Variants in CYP19A1 observed in about 807,000 individuals in gnomAD.
The protein encoded by CYP19A1 is cytochrome P450 family 19 subfamily A member 1.
A neutral mutation model predicts 44.4 loss-of-function variants in CYP19A1; 32 were observed. That is an observed-to-expected ratio of 0.72 (90% CI 0.54 to 0.97). The LOEUF (loss-of-function observed/expected upper bound fraction) is 0.97. Among genes scored for constraint, CYP19A1 ranks in the 50% least tolerant of loss-of-function variants. CYP19A1 has a pLI of 0.00. For missense variants in CYP19A1, 598 were observed against 637.8 expected (o/e 0.94, Z 0.67); for synonymous variants, 212 against 215.6 (o/e 0.98, Z 0.14).
intron 4 of CYP19A1, among the ~76,000 whole-genome samples, chr15:51,226,954 T>C (rs1190871856): frequency 6.6e-6 from 1 of 152,128 alleles, no homozygotes; most frequent in Non-Finnish European, 1.5e-5. Flanking sequence ...TAAAATTATC[T>C]AATTTCATTC....
intron 1 of CYP19A1, among the ~76,000 whole-genome samples, chr15:51,314,817 T>C (rs1450100568): frequency 6.6e-6 from 1 of 152,254 alleles, no homozygotes; most frequent in Admixed American, 6.5e-5. Context: ...CTTTTGTTTG[T>C]CAGCCTCTGT....
At position 51,308,026 on chromosome 15, in the gene CYP19A1, A is replaced by G. The variant is rs551967288; in HGVS notation, c.-39+30469T>C. Among the ~76,000 whole-genome samples the G allele has an allele frequency of 8.5e-5, 13 of 152,364 alleles. No individual in the cohort carries two copies. In the East Asian group the frequency reaches 1.9e-3, roughly 23 times the overall value. Reference sequence around the variant, plus strand: ...AAGTTTCATTTCCTTTCTCCCTGCTATTAAATGAGAAAGAGGGCATGAGGA... The same window carrying G: ...AAGTTTCATTTCCTTTCTCCCTGCTGTTAAATGAGAAAGAGGGCATGAGGA... On this transcript the variant is annotated intron_variant, in intron 1 of 9. Transcript: ENST00000396402.
rs1475879487 is a variant in CYP19A1 at position 51,210,067 on chromosome 15, C to T, written c.*741G>A. ...TAATAATACTTAACCCAGGCTATTA[C>T]TAAATTAGTTTGTATTACTTGATGA... On this transcript the variant is annotated 3_prime_UTR_variant, in exon 10 of 10. Coordinates refer to ENST00000396402, the MANE Select transcript of CYP19A1 (RefSeq NM_000103.4). 6 of 228,270 alleles carry T rather than the reference C, an allele frequency of 2.6e-5. No homozygotes were observed. Among genetic ancestry groups the T allele is most frequent in the Non-Finnish European group, 5.2e-5 (6 of 114,288 alleles). 14.1% of individuals were successfully genotyped at this position (228,270 alleles called of 1,614,324 possible).
At chr15:51,232,292 TCTC>T in intron 3 of CYP19A1, among the ~76,000 whole-genome samples, 1 of 152,180 alleles carries the variant, frequency 6.6e-6, no homozygotes, top group Non-Finnish European at 1.5e-5. Context: ...AGTACTGAAA[TCTC>T]CATGCATTCC....
chr15:51,283,306 C>T (rs2035590736), intron 1 of CYP19A1, among the ~76,000 whole-genome samples: 1 of 152,114 alleles, frequency 6.6e-6, no homozygotes, highest in South Asian at 2.1e-4. Context: ...CATTAATGGG[C>T]GAGAAAATGA....
chr15:51,261,926 G>A (rs2140936803), intron 1 of CYP19A1, among the ~76,000 whole-genome samples: 2 of 152,284 alleles, frequency 1.3e-5, no homozygotes, highest in South Asian at 4.1e-4. Flanking sequence ...ATCTCTGAAA[G>A]TCCCTCCTTT....
At position 51,296,544 on chromosome 15, in the gene CYP19A1, G is replaced by A. The variant is rs754784662; in HGVS notation, c.-39+41951C>T. ...TCCATGGGGCCAGTGTACATCCGCG[G>A]GAAACTCGCTAAAATTACAGAAAAT... On this transcript the variant is annotated intron_variant, in intron 1 of 9. Transcript: ENST00000396402. Among the ~76,000 whole-genome samples the A allele has an allele frequency of 2.6e-4, 39 of 152,094 alleles. 1 individual carries two copies. The highest frequency in any genetic ancestry group is 4.9e-4 in the Non-Finnish European group (33 of 68,030).
chr15:51,275,076 C>T (rs986254750), intron 1 of CYP19A1, among the ~76,000 whole-genome samples: 9 of 152,234 alleles, frequency 5.9e-5, no homozygotes, highest in African/African-American at 2.2e-4. Context: ...TCTGCTTGTG[C>T]AGTCCCTAAC....
chr15:51,218,786 G>A (rs904368830), intron 5 of CYP19A1, 131 bp from the exon 6 acceptor site: 4 of 1,493,262 alleles, frequency 2.7e-6, no homozygotes, highest in Admixed American at 2.1e-5. Flanking sequence ...AGCTCAGCAA[G>A]ATTCCATCTT....
At chr15:51,225,162 A>G (rs1270789064) in intron 4 of CYP19A1, among the ~76,000 whole-genome samples, 1 of 152,116 alleles carries the variant, frequency 6.6e-6, no homozygotes, top group Admixed American at 6.5e-5. Context: ...TCTCTCCCCC[A>G]TTATAAGTTC....
chr15:51,270,081 C>T (rs1369403435), intron 1 of CYP19A1, among the ~76,000 whole-genome samples: 1 of 152,154 alleles, frequency 6.6e-6, no homozygotes, highest in East Asian at 1.9e-4. Flanking sequence ...ATATATCTCA[C>T]CATATATTTA....
intron 3 of CYP19A1, among the ~76,000 whole-genome samples, chr15:51,232,852 CAT>C (rs1482705017): frequency 1.3e-5 from 2 of 152,244 alleles, no homozygotes; most frequent in African/African-American, 4.8e-5. Context: ...TCTGCTGAAA[CAT>C]AAATGAGTCA....
chr15:51,287,649 C>T (rs1263758984), intron 1 of CYP19A1, among the ~76,000 whole-genome samples: 3 of 152,182 alleles, frequency 2.0e-5, no homozygotes, highest in Admixed American at 6.5e-5. Context: ...CCCTCAAATG[C>T]CCTCACCTTC....
intron 1 of CYP19A1, among the ~76,000 whole-genome samples, chr15:51,321,446 C>A (rs1936808215): frequency 6.6e-6 from 1 of 152,176 alleles, no homozygotes; most frequent in Admixed American, 6.5e-5. Context: ...GAGCTCCTTC[C>A]CCATCTTTCG....
chr15:51,316,798 T>C (rs568077227), intron 1 of CYP19A1, among the ~76,000 whole-genome samples: 2 of 152,200 alleles, frequency 1.3e-5, no homozygotes, highest in East Asian at 3.9e-4. Context: ...CCAGCCTCTC[T>C]TGCAGCTGGA....
chr15:51,310,969 G>T (rs1169202344), intron 1 of CYP19A1, among the ~76,000 whole-genome samples: 1 of 152,224 alleles, frequency 6.6e-6, no homozygotes, highest in African/African-American at 2.4e-5. Flanking sequence ...ATGAGACAGA[G>T]CTTGCTGTTG....
intron 1 of CYP19A1, among the ~76,000 whole-genome samples, chr15:51,335,235 G>T (rs960521626): frequency 2.6e-5 from 4 of 152,162 alleles, no homozygotes; most frequent in Non-Finnish European, 5.9e-5. Flanking sequence ...ATTTGAAATG[G>T]CATCACCTTC....
intron 3 of CYP19A1, among the ~76,000 whole-genome samples, chr15:51,231,293 C>T (rs575411364): frequency 6.6e-6 from 1 of 152,070 alleles, no homozygotes; most frequent in Non-Finnish European, 1.5e-5. Context: ...CCTGATGAAA[C>T]AGTGAGAGAA....
chr15:51,229,140 G>A (rs559195101), intron 3 of CYP19A1, among the ~76,000 whole-genome samples: 11 of 152,246 alleles, frequency 7.2e-5, no homozygotes, highest in African/African-American at 2.4e-4. Flanking sequence ...TCACATCTGC[G>A]ATGTGTTCCA....
Sources: gnomAD v4.1 joint callset for allele counts (sites outside exome capture counted in the v4.1 genomes callset) on GRCh38, gnomAD v4.1.1 for gene constraint, MANE v1.5 for transcripts, NCBI Gene and HGNC (gene_info 2026-07-23, HGNC 2026-07-21) for gene names.